Variants in FLT3 observed in about 807,000 individuals in gnomAD.
FLT3 encodes receptor-type tyrosine-protein kinase FLT3.
FLT3 carries 46 observed loss-of-function variants against 126.6 expected under a neutral mutation model. The ratio of observed to expected loss-of-function variants is 0.36; its 90% CI spans 0.29 to 0.46. The LOEUF is 0.46. Among genes scored for constraint, FLT3 ranks in the 20% least tolerant of loss-of-function variants. The pLI is 1.00. For missense variants in FLT3, 1,069 were observed against 1,190.3 expected (o/e 0.90, Z 1.50); for synonymous variants, 404 against 434.4 (o/e 0.93, Z 0.87).
chr13:28,017,397 T>C (rs1871956889), intron 20 of FLT3, among the ~76,000 whole-genome samples: 1 of 152,004 alleles, frequency 6.6e-6, no homozygotes, highest in Non-Finnish European at 1.5e-5. Context: ...TAGTTTTTTA[T>C]TTTTTATAGA....
chr13:28,007,010 G>C (rs7323345), intron 23 of FLT3, among the ~76,000 whole-genome samples: 61,644 of 151,790 alleles, frequency 0.41, 13,403 homozygotes, highest in South Asian at 0.62. Context: ...CAAAGTGCTG[G>C]GATTACAGGC....
intron 2 of FLT3, among the ~76,000 whole-genome samples, chr13:28,062,331 T>G (rs773005295): frequency 6.6e-6 from 1 of 152,154 alleles, no homozygotes. Context: ...CTCTGCAAGT[T>G]CATATGTTGA....
Position 28,003,714 on chromosome 13 carries a change from C to T in FLT3, c.*338G>A, listed in dbSNP as rs889920755. ...ACATAGACTTAAAAAATCATATTAG[C>T]TTCTCCTTAGCAAAATGCTTTTGTT... On this transcript the variant is annotated 3_prime_UTR_variant, in exon 24 of 24. Coordinates refer to ENST00000241453, the MANE Select transcript of FLT3 (RefSeq NM_004119.3). The T allele has an allele frequency of 1.9e-4, 51 of 275,072 alleles. No homozygotes were observed. The highest frequency in any genetic ancestry group is 9.8e-4 in the African/African-American group (46 of 47,016). 17.0% of individuals were successfully genotyped at this position (275,072 alleles called of 1,614,324 possible). A position where few individuals can be genotyped will look rare whatever the true frequency, so the allele number is the denominator to read the frequency against.
intron 4 of FLT3, among the ~76,000 whole-genome samples, chr13:28,057,059 T>C (rs1372628929): frequency 6.6e-6 from 1 of 152,160 alleles, no homozygotes; most frequent in Admixed American, 6.5e-5. Context: ...GGTCAAAATG[T>C]TTTCCATTTC....
At chr13:28,076,813 G>A (rs147136827) in intron 1 of FLT3, among the ~76,000 whole-genome samples, 333 of 152,182 alleles carry the variant, frequency 2.2e-3, no homozygotes, top group Non-Finnish European at 2.6e-3. Flanking sequence ...TGTAGTCCCA[G>A]CTACTCAGGA....
chr13:28,034,260 A>G (rs1299211227), intron 13 of FLT3, 41 bp downstream of exon 13: 1 of 1,613,512 alleles, frequency 6.2e-7, no homozygotes, highest in Admixed American at 1.7e-5. Flanking sequence ...GCAGTTCTGC[A>G]GATAGAGGAA....
intron 1 of FLT3, among the ~76,000 whole-genome samples, chr13:28,096,170 T>C (rs4304889): frequency 0.35 from 53,759 of 151,578 alleles, 11,461 homozygotes; most frequent in African/African-American, 0.6. Context: ...GCCTAGACAA[T>C]ACAGTGAAAC....
At chr13:28,075,515 G>A (rs1158489898) in intron 1 of FLT3, among the ~76,000 whole-genome samples, 12 of 146,480 alleles carry the variant, frequency 8.2e-5, no homozygotes, top group African/African-American at 2.5e-4. Flanking sequence ...ACTTGAGGTC[G>A]GGAGTTCAAG....
chr13:28,053,280 A>C (rs1875708488), intron 4 of FLT3, among the ~76,000 whole-genome samples: 1 of 151,644 alleles, frequency 6.6e-6, no homozygotes, highest in Admixed American at 6.6e-5. Context: ...ATGACCTCCC[A>C]GGGCAGGTCA....
chr13:28,033,796 TA>T, intron 15 of FLT3, 90 bp downstream of exon 15: 1 of 991,462 alleles, frequency 1.0e-6, no homozygotes, highest in Non-Finnish European at 1.6e-6. Context: ...CAGTAACCAT[TA>T]AAAGGATGGA....
At chr13:28,035,292 C>T (rs890330018) in intron 12 of FLT3, among the ~76,000 whole-genome samples, 5 of 152,210 alleles carry the variant, frequency 3.3e-5, no homozygotes, top group African/African-American at 1.2e-4. Flanking sequence ...CACTGTGACA[C>T]ATGAGTCACA....
chr13:28,076,382 T>C (rs1368058150), intron 1 of FLT3, among the ~76,000 whole-genome samples: 1 of 152,210 alleles, frequency 6.6e-6, no homozygotes, highest in African/African-American at 2.4e-5. Flanking sequence ...TTGGCTCATG[T>C]GATTACAAAG....
intron 1 of FLT3, among the ~76,000 whole-genome samples, chr13:28,084,060 T>C (rs994911041): frequency 1.3e-5 from 2 of 152,106 alleles, no homozygotes; most frequent in African/African-American, 4.8e-5. Flanking sequence ...TTTTGCTGTG[T>C]TGCCTTGGCT....
intron 3 of FLT3, among the ~76,000 whole-genome samples, chr13:28,059,214 G>A (rs1034709297): frequency 1.9e-4 from 29 of 152,120 alleles, no homozygotes; most frequent in African/African-American, 6.0e-4. Context: ...TCACAGAGAC[G>A]TTCTCCAAGA....
At chr13:28,097,488 C>T (rs1238676427) in intron 1 of FLT3, among the ~76,000 whole-genome samples, 3 of 152,100 alleles carry the variant, frequency 2.0e-5, no homozygotes, top group African/African-American at 7.2e-5. Context: ...ACTGAAAGTG[C>T]CTTCTTAGTT....
chr13:28,021,570 A>G (rs73436963), intron 19 of FLT3, among the ~76,000 whole-genome samples: 12,478 of 152,062 alleles, frequency 0.082, 1,361 homozygotes, highest in African/African-American at 0.25. Flanking sequence ...GTAATTTTTT[A>G]AAACTTGTAT....
At position 28,024,939 on chromosome 13, in the gene FLT3, G is replaced by A. The variant is rs146649334; in HGVS notation, c.2212C>T (p.Pro738Ser). ...TFQSHPNSSMPGSREVQIHPD... is the reference protein window; with the variant it reads ...TFQSHPNSSMSGSREVQIHPD... ...TGTATCTGAACTTCTCTTGAACCAG[G>A]CATGCTATTAAAAAATTTTGTTTTT... The change falls in exon 18 of 24, where the codon CCT (proline) becomes TCT (serine). Residue 738 changes from proline (P) to serine (S), a missense_variant. Coordinates refer to ENST00000241453, the MANE Select transcript of FLT3 (RefSeq NM_004119.3). 1.2e-6 allele frequency: 2 copies of A among 1,601,802 alleles called. No individual in the cohort carries two copies. Among genetic ancestry groups the A allele is most frequent in the Non-Finnish European group, 1.7e-6 (2 of 1,174,190 alleles).
chr13:28,035,911 A>G (rs781309826), intron 11 of FLT3, 24 bp downstream of exon 11: 7 of 1,525,090 alleles, frequency 4.6e-6, no homozygotes, highest in Admixed American at 1.7e-5. Flanking sequence ...CTTCCATTAT[A>G]AGAGGCATCA....
chr13:28,049,518 C>T lies in FLT3; in HGVS notation c.902G>A (p.Ser301Asn). ...ALEEGNYFEM[S>N]TYSTNRTMIR... Reference sequence around the variant, plus strand: ...CATAGTTCTGTTTGTTGAATAGGTACTCATCTCAAAGTAGTTGCCCTAGGT... The same window carrying T: ...CATAGTTCTGTTTGTTGAATAGGTATTCATCTCAAAGTAGTTGCCCTAGGT... Residue 301 changes from serine (S) to asparagine (N), a missense_variant, in exon 8 of 24, where the codon AGT (serine) becomes AAT (asparagine). By Grantham distance (46) the Ser-to-Asn change is conservative. Coordinates refer to ENST00000241453, the MANE Select transcript of FLT3 (RefSeq NM_004119.3). 6.2e-7 allele frequency: 1 copy of T among 1,613,814 alleles called. No individual in the cohort carries two copies. The highest frequency in any genetic ancestry group is 1.1e-5 in the South Asian group (1 of 91,056).
Sources: allele counts gnomAD v4.1 joint callset (sites outside exome capture counted in the v4.1 genomes callset), GRCh38; gene constraint gnomAD v4.1.1; transcripts MANE v1.5; gene names NCBI Gene and HGNC (gene_info 2026-07-23, HGNC 2026-07-21).